Variants in AOAH observed in about 807,000 individuals in gnomAD.
AOAH encodes acyloxyacyl hydrolase.
In AOAH, 64 loss-of-function variants were observed where a neutral mutation model predicts 92.2. The observed-to-expected ratio is 0.69, with a 90% CI of 0.57 to 0.86. The LOEUF (loss-of-function observed/expected upper bound fraction) is 0.86. Ranked by LOEUF, AOAH falls within the 40% of genes least tolerant of loss-of-function variation. The pLI is 0.00. For missense variants in AOAH, 656 were observed against 694.6 expected (o/e 0.94, Z 0.62); for synonymous variants, 263 against 254.5 (o/e 1.03, Z -0.32).
At chr7:36,515,709 C>T (rs1420912713) in intron 20 of AOAH, among the ~76,000 whole-genome samples, 3 of 126,978 alleles carry the variant, frequency 2.4e-5, no homozygotes, top group African/African-American at 9.6e-5. Context: ...ACACACCCCC[C>T]CACACACCAC....
At chr7:36,639,076 G>C (rs558712341) in intron 4 of AOAH, among the ~76,000 whole-genome samples, 1 of 152,294 alleles carries the variant, frequency 6.6e-6, no homozygotes, top group Admixed American at 6.5e-5. Context: ...GTTGGCAGTA[G>C]GCCAAAAGAG....
At chr7:36,723,347 A>C (rs1799771560) in intron 1 of AOAH, among the ~76,000 whole-genome samples, 1 of 152,072 alleles carries the variant, frequency 6.6e-6, no homozygotes, top group African/African-American at 2.4e-5. Flanking sequence ...AAAAAAACAA[A>C]CAAAAAAAAC....
chr7:36,548,709 T>C (rs750425926), intron 14 of AOAH, 23 bp from the exon 15 acceptor site: 7 of 1,602,510 alleles, frequency 4.4e-6, no homozygotes, highest in African/African-American at 4.0e-5. Flanking sequence ...AGATGGAATC[T>C]GAATGTCAGA....
chr7:36,702,028 A>G (rs1351149041), intron 1 of AOAH, among the ~76,000 whole-genome samples: 1 of 152,124 alleles, frequency 6.6e-6, no homozygotes, highest in Non-Finnish European at 1.5e-5. Context: ...TAATTGTGGT[A>G]AGACTTCACA....
chr7:36,637,769 T>G (rs1793620960), intron 5 of AOAH, 82 bp downstream of exon 5: 1 of 1,303,884 alleles, frequency 7.7e-7, no homozygotes, highest in African/African-American at 1.5e-5. Context: ...GAGTAGTCCT[T>G]GCCTTTGGGA....
intron 11 of AOAH, among the ~76,000 whole-genome samples, chr7:36,615,658 GC>G (rs142791748): frequency 3.7e-4 from 57 of 152,280 alleles, no homozygotes; most frequent in African/African-American, 1.3e-3. Flanking sequence ...GAAGATAATG[GC>G]CCTCCTGATA....
intron 4 of AOAH, among the ~76,000 whole-genome samples, chr7:36,648,603 A>G (rs1347016772): frequency 6.6e-6 from 1 of 150,496 alleles, no homozygotes; most frequent in Non-Finnish European, 1.5e-5. Flanking sequence ...AATTACAAAT[A>G]CAATTGCTCA....
chr7:36,706,067 A>G (rs1798386949), intron 1 of AOAH, among the ~76,000 whole-genome samples: 1 of 152,186 alleles, frequency 6.6e-6, no homozygotes. Context: ...AACCTAGGCA[A>G]GACCATTCAA....
At chr7:36,645,069 G>A (rs142257270) in intron 4 of AOAH, among the ~76,000 whole-genome samples, 70 of 152,258 alleles carry the variant, frequency 4.6e-4, no homozygotes, top group African/African-American at 1.5e-3. Context: ...GGATTTTATT[G>A]CCCACTGGAG....
chr7:36,625,043 T>C (rs1005107264), intron 6 of AOAH, among the ~76,000 whole-genome samples: 6 of 151,388 alleles, frequency 4.0e-5, no homozygotes, highest in African/African-American at 1.5e-4. Flanking sequence ...GATGAGTGAG[T>C]GCTGGTTAGG....
intron 5 of AOAH, 75 bp from the exon 6 acceptor site, chr7:36,632,181 T>C: frequency 1.6e-6 from 2 of 1,264,786 alleles, no homozygotes; most frequent in Non-Finnish European, 2.2e-6. Context: ...AAGGCCCCTC[T>C]GAACTTGAGG....
chr7:36,678,341 T>C (rs990766332), intron 2 of AOAH, among the ~76,000 whole-genome samples: 3 of 152,214 alleles, frequency 2.0e-5, no homozygotes, highest in Non-Finnish European at 4.4e-5. Context: ...TCTCTATCAC[T>C]ATAATGTCTG....
At chr7:36,602,891 A>G (rs1308085106) in intron 11 of AOAH, among the ~76,000 whole-genome samples, 1 of 152,162 alleles carries the variant, frequency 6.6e-6, no homozygotes. Context: ...ATCATAAATG[A>G]TGATCTCATT....
At chr7:36,637,606 C>T (rs1793607978) in intron 5 of AOAH, among the ~76,000 whole-genome samples, 1 of 151,940 alleles carries the variant, frequency 6.6e-6, no homozygotes, top group African/African-American at 2.4e-5. Flanking sequence ...CCCAGGACAG[C>T]CTGCACAACA....
chr7:36,676,503 A>G (rs955167673), intron 2 of AOAH, among the ~76,000 whole-genome samples: 1 of 152,216 alleles, frequency 6.6e-6, no homozygotes, highest in African/African-American at 2.4e-5. Context: ...GAATTGGCAG[A>G]CTTAATATTG....
At chr7:36,707,254 G>A (rs1349096815) in intron 1 of AOAH, among the ~76,000 whole-genome samples, 2 of 152,094 alleles carry the variant, frequency 1.3e-5, no homozygotes, top group South Asian at 2.1e-4. Flanking sequence ...GGAGGGCAAT[G>A]GAGAGGGGGA....
intron 3 of AOAH, among the ~76,000 whole-genome samples, chr7:36,671,785 C>T (rs191810087): frequency 1.3e-4 from 20 of 151,976 alleles, no homozygotes; most frequent in African/African-American, 4.6e-4. Flanking sequence ...GATCCTGAGG[C>T]AGAAACCTCC....
At chr7:36,518,705 C>A (rs1382687512) in intron 20 of AOAH, among the ~76,000 whole-genome samples, 2 of 152,226 alleles carry the variant, frequency 1.3e-5, no homozygotes, top group African/African-American at 4.8e-5. Context: ...TCTTTCAGAG[C>A]CCACTTTCTT....
intron 1 of AOAH, among the ~76,000 whole-genome samples, chr7:36,715,273 T>A (rs190888704): frequency 6.6e-6 from 1 of 152,256 alleles, no homozygotes; most frequent in East Asian, 1.9e-4. Flanking sequence ...ACAAGGGACA[T>A]GAAGGACCTC....
Sources: allele counts gnomAD v4.1 joint callset (sites outside exome capture counted in the v4.1 genomes callset), GRCh38; gene constraint gnomAD v4.1.1; transcripts MANE v1.5; gene names NCBI Gene and HGNC (gene_info 2026-07-23, HGNC 2026-07-21).